Variants in JMY observed in about 807,000 individuals in gnomAD.
JMY encodes the protein junction-mediating and -regulatory protein.
In JMY, 46 loss-of-function variants were observed where a neutral mutation model predicts 103.3. That is an observed-to-expected ratio of 0.45 (90% CI 0.35 to 0.57). The LOEUF is 0.57. Among genes scored for constraint, JMY ranks in the 20% least tolerant of loss-of-function variants. The probability of loss-of-function intolerance (pLI) is 0.00; values close to 1 mark genes in which losing one functional copy is unlikely to be tolerated. For synonymous variants in JMY, 526 were observed against 489.3 expected, an observed-to-expected ratio of 1.07 and a Z score of -0.99; for missense variants, 1,238 against 1,255.2, an observed-to-expected ratio of 0.99 and a Z score of 0.21.
intron 1 of JMY, among the ~76,000 whole-genome samples, chr5:79,245,435 A>T (rs1316895620): frequency 6.6e-6 from 1 of 152,158 alleles, no homozygotes; most frequent in African/African-American, 2.4e-5. Context: ...AAAAAAAATT[A>T]AATGGATATG....
intron 10 of JMY, among the ~76,000 whole-genome samples, chr5:79,319,433 T>C (rs905606468): frequency 6.6e-6 from 1 of 152,194 alleles, no homozygotes; most frequent in African/African-American, 2.4e-5. Context: ...ATGGACTGAT[T>C]AGGCAGTGAT....
At chr5:79,287,759 TA>T (rs1746309618) in intron 2 of JMY, among the ~76,000 whole-genome samples, 1 of 152,234 alleles carries the variant, frequency 6.6e-6, no homozygotes, top group African/African-American at 2.4e-5. Flanking sequence ...TATATTAAGG[TA>T]GCAAACTATG....
intron 7 of JMY, among the ~76,000 whole-genome samples, chr5:79,306,672 TCTC>T (rs1222348149): frequency 1.3e-5 from 2 of 152,066 alleles, no homozygotes; most frequent in African/African-American, 4.8e-5. Flanking sequence ...ACCGTCAACA[TCTC>T]CTATACTCCT....
At chr5:79,293,049 A>G (rs1407137943) in intron 4 of JMY, among the ~76,000 whole-genome samples, 1 of 152,188 alleles carries the variant, frequency 6.6e-6, no homozygotes, top group Non-Finnish European at 1.5e-5. Context: ...TATTAAGCCC[A>G]TTCCAGAACA....
At chr5:79,263,197 C>T (rs903020736) in intron 1 of JMY, among the ~76,000 whole-genome samples, 3 of 151,938 alleles carry the variant, frequency 2.0e-5, no homozygotes, top group South Asian at 2.1e-4. Flanking sequence ...AGTTTTCAAG[C>T]GAAGTATAAG....
At chr5:79,299,684 A>G (rs1746673829) in intron 4 of JMY, among the ~76,000 whole-genome samples, 2 of 152,164 alleles carry the variant, frequency 1.3e-5, no homozygotes, top group African/African-American at 4.8e-5. Flanking sequence ...TAGTCAGCAG[A>G]TCCCAGAACC....
intron 6 of JMY, among the ~76,000 whole-genome samples, chr5:79,302,370 G>A (rs1370451666): frequency 6.6e-6 from 1 of 152,150 alleles, no homozygotes; most frequent in Non-Finnish European, 1.5e-5. Context: ...ACAAAGATGA[G>A]CAAGGCATAG....
intron 1 of JMY, among the ~76,000 whole-genome samples, chr5:79,273,561 G>A (rs1037720340): frequency 4.0e-5 from 6 of 151,806 alleles, no homozygotes; most frequent in South Asian, 2.1e-4. Context: ...TATGTCTTTC[G>A]CCAAATTTGG....
chr5:79,276,984 A>T (rs906565150), intron 1 of JMY, among the ~76,000 whole-genome samples: 1 of 151,712 alleles, frequency 6.6e-6, no homozygotes, highest in African/African-American at 2.4e-5. Flanking sequence ...CAATCCTCTT[A>T]CTTTGGCCTT....
intron 6 of JMY, among the ~76,000 whole-genome samples, chr5:79,305,891 C>T (rs980879214): frequency 5.3e-5 from 8 of 152,008 alleles, no homozygotes; most frequent in African/African-American, 1.9e-4. Context: ...TTTGCCCAGA[C>T]ATGTTTAAAG....
At chr5:79,273,587 A>G (rs749737233) in intron 1 of JMY, among the ~76,000 whole-genome samples, 14 of 152,086 alleles carry the variant, frequency 9.2e-5, no homozygotes, top group African/African-American at 2.9e-4. Flanking sequence ...TTCTTGTAAT[A>G]TTTTGTTCTG....
intron 10 of JMY, among the ~76,000 whole-genome samples, chr5:79,319,676 A>C (rs529318693): frequency 6.6e-6 from 1 of 151,002 alleles, no homozygotes; most frequent in South Asian, 2.1e-4. Context: ...GTGCCTCGTG[A>C]TTCAAGAGAT....
intron 4 of JMY, among the ~76,000 whole-genome samples, chr5:79,295,307 G>A (rs1338764903): frequency 6.6e-6 from 1 of 152,158 alleles, no homozygotes; most frequent in Non-Finnish European, 1.5e-5. Flanking sequence ...ACCACATGTG[G>A]CTTGTGGCTA....
Position 79,237,422 on chromosome 5 carries a change from G to C in JMY, c.772G>C (p.Val258Leu). The stretch of plus-strand genomic sequence containing the variant: ...CTCGCAGTTGGAGCCGTGCCTGCCG[G>C]TGTTCCCCGAGGAACCTTCGGGCAT... ...VNSQLEPCLP[V>L]FPEEPSGMWT... The change falls in exon 1 of 11, where the codon GTG (valine) becomes CTG (leucine). Residue 258 changes from valine (V) to leucine (L), a missense_variant. Coordinates refer to ENST00000396137, the MANE Select transcript of JMY (RefSeq NM_152405.5). The C allele has an allele frequency of 6.2e-7, 1 of 1,613,754 alleles. No individual in the cohort carries two copies. The highest frequency in any genetic ancestry group is 8.5e-7 in the Non-Finnish European group (1 of 1,180,022).
chr5:79,238,665 T>TTTTTTA, intron 1 of JMY, among the ~76,000 whole-genome samples: 1 of 150,762 alleles, frequency 6.6e-6, no homozygotes, highest in Non-Finnish European at 1.5e-5. Context: ...TTTTTTTTTT[T>TTTTTTA]TGGAAGCAGT....
chr5:79,309,568 A>G lies in JMY; in HGVS notation c.1969-2835A>G, dbSNP rs561805988. 2.0e-5 allele frequency among the ~76,000 whole-genome samples: 3 copies of G among 152,272 alleles called. No individual in the cohort carries two copies. In the South Asian group the frequency reaches 6.2e-4, roughly 32 times the overall value. On this transcript the variant is annotated intron_variant, in intron 7 of 10. Coordinates refer to ENST00000396137, the MANE Select transcript of JMY (RefSeq NM_152405.5). ...CATGACCATATCTCTGTATTTGGAT[A>G]TTTCTAAAATTTTCTGTCTTTAGCA...
intron 6 of JMY, among the ~76,000 whole-genome samples, chr5:79,301,523 T>C (rs1746733489): frequency 6.6e-6 from 1 of 152,202 alleles, no homozygotes; most frequent in African/African-American, 2.4e-5. Context: ...CACTTCCTCA[T>C]TCCACAGAAA....
intron 1 of JMY, among the ~76,000 whole-genome samples, chr5:79,276,720 C>G (rs1359009155): frequency 1.3e-5 from 2 of 152,170 alleles, no homozygotes; most frequent in African/African-American, 4.8e-5. Flanking sequence ...GATTCTCCTG[C>G]CTCAGCCTCC....
At chr5:79,309,901 C>T (rs903182952) in intron 7 of JMY, among the ~76,000 whole-genome samples, 2 of 151,968 alleles carry the variant, frequency 1.3e-5, no homozygotes, top group Non-Finnish European at 2.9e-5. Context: ...GAAGGTTCCA[C>T]ACTTCCAATA....
Sources: allele counts gnomAD v4.1 joint callset (sites outside exome capture counted in the v4.1 genomes callset), GRCh38; gene constraint gnomAD v4.1.1; transcripts MANE v1.5; gene names NCBI Gene and HGNC (gene_info 2026-07-23, HGNC 2026-07-21).